Variants in IL1RAPL2 observed in about 807,000 individuals in gnomAD.
IL1RAPL2 encodes X-linked interleukin-1 receptor accessory protein-like 2.
IL1RAPL2 carries 3 observed loss-of-function variants against 44.1 expected under a neutral mutation model. That is an observed-to-expected ratio of 0.07 (90% CI 0.03 to 0.18). The LOEUF (loss-of-function observed/expected upper bound fraction) is 0.18. IL1RAPL2 is among the 10% of genes least tolerant of loss of function. IL1RAPL2 has a pLI of 1.00. For missense variants in IL1RAPL2, 391 were observed against 496.4 expected, an observed-to-expected ratio of 0.79 and a Z score of 2.02; for synonymous variants, 181 against 178.8, an observed-to-expected ratio of 1.01 and a Z score of -0.10.
chrX:104,999,784 T>G (rs1191468037), intron 2 of IL1RAPL2, among the ~76,000 whole-genome samples: 3 of 111,094 alleles, frequency 2.7e-5, no homozygotes, highest in African/African-American at 9.8e-5. Context: ...TCCCCAAACT[T>G]CCTTTAGTTC....
chrX:105,495,669 T>G (rs751768486), intron 6 of IL1RAPL2, among the ~76,000 whole-genome samples: 1 of 111,826 alleles, frequency 8.9e-6, no homozygotes, highest in East Asian at 2.8e-4. Context: ...AATCATGGTG[T>G]GTCTTAAGGC....
At chrX:104,739,989 A>G (rs1932076470) in intron 2 of IL1RAPL2, among the ~76,000 whole-genome samples, 1 of 111,490 alleles carries the variant, frequency 9.0e-6, no homozygotes, top group Non-Finnish European at 1.9e-5. Flanking sequence ...GGAACATTGT[A>G]CTATCCTGTT....
At chrX:104,628,524 T>C (rs1402127436) in intron 1 of IL1RAPL2, among the ~76,000 whole-genome samples, 1 of 112,111 alleles carries the variant, frequency 8.9e-6, no homozygotes, top group Non-Finnish European at 1.9e-5. Context: ...ATTATTTTAT[T>C]CTTTTTTTAT....
intron 2 of IL1RAPL2, among the ~76,000 whole-genome samples, chrX:104,964,081 A>C (rs1342592187): frequency 1.8e-5 from 2 of 110,402 alleles, no homozygotes; most frequent in Admixed American, 9.7e-5. Flanking sequence ...TGATCAATTC[A>C]GGAAGCATTT....
intron 5 of IL1RAPL2, among the ~76,000 whole-genome samples, chrX:105,419,138 C>T (rs931056243): frequency 3.6e-5 from 4 of 111,660 alleles, no homozygotes; most frequent in Non-Finnish European, 7.5e-5. Flanking sequence ...GGGAGTGTTT[C>T]GGTAAAATTT....
chrX:104,649,819 TA>T (rs1930119279), intron 1 of IL1RAPL2, among the ~76,000 whole-genome samples: 1 of 111,937 alleles, frequency 8.9e-6, no homozygotes, highest in South Asian at 3.7e-4. Flanking sequence ...TAGGTACTGT[TA>T]AAAATTAGCA....
chrX:105,308,310 T>C (rs370443638), intron 5 of IL1RAPL2, among the ~76,000 whole-genome samples: 120 of 112,374 alleles, frequency 1.1e-3, no homozygotes, highest in African/African-American at 3.5e-3. Context: ...CATGATAAGG[T>C]AGCCCAATGA....
Position 105,659,417 on chromosome X carries a change from G to A in IL1RAPL2, c.773-57950G>A, listed in dbSNP as rs900135307. On this transcript the variant is annotated intron_variant, in intron 6 of 10. Transcript: ENST00000372582. ...TCAGGCCTGTAATCCCAGCACTTTG[G>A]GAGGCCGAGGCGGGCGGATCACGAG... 9.0e-5 allele frequency among the ~76,000 whole-genome samples: 10 copies of A among 111,020 alleles called. No individual in the cohort carries two copies. The South Asian group carries it at 1.9e-3, about 21-fold the overall frequency.
At chrX:104,597,568 G>A (rs1411481382) in intron 1 of IL1RAPL2, among the ~76,000 whole-genome samples, 4 of 111,507 alleles carry the variant, frequency 3.6e-5, no homozygotes, top group Non-Finnish European at 7.5e-5. Context: ...TTGGATATAT[G>A]CCATGAAGAA....
intron 1 of IL1RAPL2, among the ~76,000 whole-genome samples, chrX:104,578,054 G>C (rs1390682330): frequency 9.0e-6 from 1 of 111,557 alleles, no homozygotes; most frequent in Non-Finnish European, 1.9e-5. Context: ...TTACACATAT[G>C]TATATTTCCT....
chrX:104,946,379 C>CAAA (rs1157603029), intron 2 of IL1RAPL2, among the ~76,000 whole-genome samples: 126 of 9,142 alleles, frequency 0.014, 25 homozygotes, highest in African/African-American at 0.069. Context: ...GACTCCGTCT[C>CAAA]AAAAAAAAAA....
intron 5 of IL1RAPL2, among the ~76,000 whole-genome samples, chrX:105,472,369 A>C (rs1039053329): frequency 9.0e-5 from 10 of 111,593 alleles, no homozygotes; most frequent in Non-Finnish European, 1.7e-4. Context: ...AAGTTTACTC[A>C]AAAAGTTGAT....
At chrX:104,951,007 G>C (rs1011440475) in intron 2 of IL1RAPL2, among the ~76,000 whole-genome samples, 1 of 112,138 alleles carries the variant, frequency 8.9e-6, no homozygotes, top group South Asian at 3.7e-4. Context: ...TGCGCTTCCC[G>C]AGTGAGGCAA....
At chrX:105,241,718 C>T (rs1198748389) in intron 4 of IL1RAPL2, among the ~76,000 whole-genome samples, 1 of 111,677 alleles carries the variant, frequency 9.0e-6, no homozygotes, top group African/African-American at 3.3e-5. Context: ...AACAATACCC[C>T]CTTTAAATTT....
chrX:105,498,386 A>G (rs1451892696), intron 6 of IL1RAPL2, among the ~76,000 whole-genome samples: 2 of 111,987 alleles, frequency 1.8e-5, no homozygotes, highest in Non-Finnish European at 3.8e-5. Flanking sequence ...TTGCTGAGAT[A>G]AAGAAGGCAC....
chrX:105,601,065 G>A (rs1252579073), intron 6 of IL1RAPL2, among the ~76,000 whole-genome samples: 9 of 111,317 alleles, frequency 8.1e-5, no homozygotes, highest in Non-Finnish European at 1.7e-4. Flanking sequence ...GTTCTATGAA[G>A]TGCATTTTCA....
At chrX:105,287,812 T>C (rs761884478) in intron 5 of IL1RAPL2, among the ~76,000 whole-genome samples, 155 of 111,548 alleles carry the variant, frequency 1.4e-3, no homozygotes, top group Non-Finnish European at 2.6e-3. Flanking sequence ...CAGGTCCGGG[T>C]ATGACAAGGT....
chrX:104,635,804 C>G (rs140887441), intron 1 of IL1RAPL2, among the ~76,000 whole-genome samples: 1 of 111,390 alleles, frequency 9.0e-6, no homozygotes, highest in Non-Finnish European at 1.9e-5. Context: ...TCCTTTAGCT[C>G]GGAGTAGTTT....
intron 2 of IL1RAPL2, among the ~76,000 whole-genome samples, chrX:105,148,219 G>A (rs2033196088): frequency 9.0e-6 from 1 of 111,102 alleles, no homozygotes; most frequent in African/African-American, 3.3e-5. Flanking sequence ...TATATGGACA[G>A]AGCTAATTAA....
Sources: allele counts gnomAD v4.1 joint callset (sites outside exome capture counted in the v4.1 genomes callset), GRCh38; gene constraint gnomAD v4.1.1; transcripts MANE v1.5; gene names NCBI Gene and HGNC (gene_info 2026-07-23, HGNC 2026-07-21).